Variants in RAB43 observed in about 807,000 individuals in gnomAD.
The protein encoded by RAB43 is ras-related protein Rab-43.
In RAB43, 6 loss-of-function variants were observed where a neutral mutation model predicts 18.8. The observed-to-expected ratio is 0.32, with a 90% CI of 0.17 to 0.63. The LOEUF (loss-of-function observed/expected upper bound fraction) is 0.63. RAB43 is among the 30% of genes least tolerant of loss of function. The pLI, the probability that RAB43 is intolerant of heterozygous loss-of-function variation, is 0.79. For missense variants in RAB43, 195 were observed against 289.1 expected (o/e 0.67, Z 2.36); for synonymous variants, 103 against 124.1 (o/e 0.83, Z 1.13).
intron 1 of RAB43, among the ~76,000 whole-genome samples, chr3:129,116,321 G>C (rs966409835): frequency 2.0e-5 from 3 of 152,154 alleles, no homozygotes; most frequent in African/African-American, 7.2e-5. Context: ...AAGAAACCTC[G>C]AGAGGCAAGG....
At chr3:129,115,129 T>G (rs753447736) in intron 1 of RAB43, among the ~76,000 whole-genome samples, 1 of 152,068 alleles carries the variant, frequency 6.6e-6, no homozygotes, top group Non-Finnish European at 1.5e-5. Context: ...TGGTACAGTA[T>G]CCCCCACTTA....
chr3:129,121,241 A>C, intron 1 of RAB43, 45 bp downstream of exon 1: 3 of 1,512,204 alleles, frequency 2.0e-6, no homozygotes, highest in Admixed American at 4.1e-5. Flanking sequence ...CCCCCGCCCC[A>C]CCCTCCGAGG....
At chr3:129,106,100 CAG>C (rs1934766808) in intron 1 of RAB43, among the ~76,000 whole-genome samples, 1 of 152,180 alleles carries the variant, frequency 6.6e-6, no homozygotes, top group Non-Finnish European at 1.5e-5. Flanking sequence ...AGATGTGCCC[CAG>C]TGGGAAATCA....
At chr3:129,093,832 A>G (rs1456116119) in intron 2 of RAB43, among the ~76,000 whole-genome samples, 5 of 152,086 alleles carry the variant, frequency 3.3e-5, no homozygotes, top group Non-Finnish European at 7.4e-5. Flanking sequence ...GAAGCAGGAG[A>G]ATCGCTTGAA....
Position 129,095,118 on chromosome 3 carries a change from T to C in RAB43, c.256A>G (p.Ser86Gly). Residue 86 changes from serine to glycine, a missense_variant, in exon 2 of 3, where the codon AGC becomes GGC. Transcript: ENST00000315150. This position sits in a 1 kb window ranked among gnomAD's most constrained non-coding sequence, Gnocchi z 4.2. ...GQERFRTITQSYYRSANGAIL... is the reference protein window; with the variant it reads ...GQERFRTITQGYYRSANGAIL... Reference sequence around the variant, plus strand: ...GCCCCATTGGCACTGCGGTAGTAGCTCTGGGTGATGGTGCGGAACCGCTCC... The same window carrying C: ...GCCCCATTGGCACTGCGGTAGTAGCCCTGGGTGATGGTGCGGAACCGCTCC... 6.2e-7 allele frequency: 1 copy of C among 1,613,822 alleles called. No homozygotes were observed. Among genetic ancestry groups the C allele is most frequent in the Non-Finnish European group, 8.5e-7 (1 of 1,179,874 alleles).
chr3:129,114,262 G>A (rs1233376973), intron 1 of RAB43, among the ~76,000 whole-genome samples: 1 of 152,206 alleles, frequency 6.6e-6, no homozygotes, highest in African/African-American at 2.4e-5. Context: ...TGTGTAAAAT[G>A]CAAGCAATAC....
intron 1 of RAB43, among the ~76,000 whole-genome samples, chr3:129,112,119 T>C (rs1179856175): frequency 2.6e-5 from 4 of 152,036 alleles, no homozygotes; most frequent in Admixed American, 2.6e-4. Flanking sequence ...CCGGGCGTGG[T>C]GGCGCATGCC....
Position 129,095,047 on chromosome 3 carries a change from C to T in RAB43, c.327G>A (p.Val109=). 6.2e-7 allele frequency: 1 copy of T among 1,613,838 alleles called. No individual in the cohort carries two copies. The highest frequency in any genetic ancestry group is 8.5e-7 in the Non-Finnish European group (1 of 1,179,808). The change falls in exon 2 of 3, where the codon GTG becomes GTA. Residue 109 remains valine (V), a synonymous_variant. Transcript: ENST00000315150. The surrounding 1 kb of genome is among the most constrained non-coding windows in gnomAD (Gnocchi z 4.2). ...DITKRSSFLS[V]PHWIEDVRKY... ...TCCTCACATCCTCAATCCAGTGAGGCACCGACAGGAAGGAGCTCCTCTTGG... is the reference window on the plus strand; with the variant it reads ...TCCTCACATCCTCAATCCAGTGAGGTACCGACAGGAAGGAGCTCCTCTTGG...
intron 1 of RAB43, among the ~76,000 whole-genome samples, chr3:129,110,998 T>G (rs1935131752): frequency 6.6e-6 from 1 of 152,074 alleles, no homozygotes; most frequent in East Asian, 1.9e-4. Context: ...ATGTATGCAC[T>G]TGTACCACAA....
chr3:129,110,696 G>A (rs1353497237), intron 1 of RAB43, among the ~76,000 whole-genome samples: 3 of 152,142 alleles, frequency 2.0e-5, no homozygotes, highest in Non-Finnish European at 4.4e-5. Context: ...GGGTTGGTGG[G>A]GATTGAGAAG....
At position 129,087,785 on chromosome 3, in the gene RAB43, C is replaced by T. The variant is rs1274683224; in HGVS notation, c.*3311G>A. The stretch of plus-strand genomic sequence containing the variant: ...CCCAAGTCCAGGCCCTGCAGGGGTC[C>T]GAGGGTCTCTGCTGGAGGAGGCCCC... On this transcript the variant is annotated 3_prime_UTR_variant, in exon 3 of 3. Coordinates refer to ENST00000315150, the MANE Select transcript of RAB43 (RefSeq NM_198490.3). The T allele has an allele frequency of 6.6e-6, 1 of 150,508 alleles. No homozygotes were observed. The highest frequency in any genetic ancestry group is 1.9e-4 in the East Asian group (1 of 5,132). The allele number at this position is 150,508 out of a possible 1,614,324, so 9.3% of individuals were successfully genotyped here. A position where few individuals can be genotyped will look rare whatever the true frequency, so the allele number is the denominator to read the frequency against.
chr3:129,101,511 G>A (rs1000970396), intron 1 of RAB43, among the ~76,000 whole-genome samples: 3 of 152,204 alleles, frequency 2.0e-5, no homozygotes, highest in African/African-American at 7.2e-5. Context: ...TGAAAGCCAG[G>A]CAGACAGCAC....
chr3:129,100,951 C>T (rs925563137), intron 1 of RAB43, among the ~76,000 whole-genome samples: 6 of 152,168 alleles, frequency 3.9e-5, no homozygotes, highest in South Asian at 2.1e-4. Context: ...GGATTACAGG[C>T]GTGTGCCACC....
At chr3:129,110,590 G>A (rs1449552065) in intron 1 of RAB43, among the ~76,000 whole-genome samples, 3 of 152,076 alleles carry the variant, frequency 2.0e-5, no homozygotes, top group Admixed American at 2.0e-4. Flanking sequence ...TGTAATCCCA[G>A]CACTTTGGGA....
chr3:129,120,701 G>A (rs1440531499), intron 1 of RAB43, among the ~76,000 whole-genome samples: 1 of 152,210 alleles, frequency 6.6e-6, no homozygotes, highest in African/African-American at 2.4e-5. Context: ...ACCGGGGCTG[G>A]CCCTAGTCGA....
Position 129,107,215 on chromosome 3 carries a change from G to A in RAB43, c.205-12046C>T, listed in dbSNP as rs1485309910. Among the ~76,000 whole-genome samples the A allele has an allele frequency of 2.0e-5, 3 of 152,196 alleles. No individual in the cohort carries two copies. The highest frequency in any genetic ancestry group is 7.2e-5 in the African/African-American group (3 of 41,446). ...AGAGGTCTGTCTGACTCCGAAGCCTGGTGTCCTTTACCATGGACGCGGCTC... is the reference window on the plus strand; with the variant it reads ...AGAGGTCTGTCTGACTCCGAAGCCTAGTGTCCTTTACCATGGACGCGGCTC... On this transcript the variant is annotated intron_variant, in intron 1 of 2. Transcript: ENST00000315150. This position sits in a 1 kb window ranked among gnomAD's most constrained non-coding sequence, Gnocchi z 4.2.
intron 1 of RAB43, among the ~76,000 whole-genome samples, chr3:129,105,812 C>T (rs1576832661): frequency 2.0e-5 from 3 of 150,396 alleles, no homozygotes; most frequent in Middle Eastern, 7.1e-3. Flanking sequence ...CATTAAAAAA[C>T]AAACAAAAAG....
chr3:129,105,473 A>G (rs1934711067), intron 1 of RAB43, among the ~76,000 whole-genome samples: 1 of 151,508 alleles, frequency 6.6e-6, no homozygotes, highest in Non-Finnish European at 1.5e-5. Flanking sequence ...CAACAACAAC[A>G]AAACAAAACA....
intron 1 of RAB43, among the ~76,000 whole-genome samples, chr3:129,119,344 G>A (rs898184315): frequency 2.0e-5 from 3 of 151,746 alleles, no homozygotes; most frequent in African/African-American, 7.3e-5. Flanking sequence ...CCGGCAAAAT[G>A]AGGTGGTAAA....
Sources: allele counts gnomAD v4.1 joint callset (sites outside exome capture counted in the v4.1 genomes callset), GRCh38; gene constraint gnomAD v4.1.1; non-coding constraint Gnocchi (gnomAD v3.1); transcripts MANE v1.5; gene names NCBI Gene and HGNC (gene_info 2026-07-23, HGNC 2026-07-21).